Variants in MSRA observed in about 807,000 individuals in gnomAD.
MSRA encodes methionine sulfoxide reductase A, also known as mitochondrial peptide methionine sulfoxide reductase.
In MSRA, 54 loss-of-function variants were observed where a neutral mutation model predicts 31.3. That is an observed-to-expected ratio of 1.73 (90% CI 1.39 to 2.17). The LOEUF (loss-of-function observed/expected upper bound fraction) is 2.17, where lower values mean the gene tolerates loss of function less well. Among genes scored for constraint, MSRA ranks in the 30% most tolerant of loss-of-function variants. The pLI is 0.00. For missense variants in MSRA, 507 were observed against 300.9 expected (o/e 1.69, Z -5.07); for synonymous variants, 169 against 116.5 (o/e 1.45, Z -2.90).
chr8:10,065,591 AC>A (rs1281163483), intron 1 of MSRA, among the ~76,000 whole-genome samples: 1 of 152,206 alleles, frequency 6.6e-6, no homozygotes, highest in Non-Finnish European at 1.5e-5. Flanking sequence ...TAAGATATGA[AC>A]CAAAGGATTT....
chr8:10,273,366 A>T (rs925986526), intron 3 of MSRA, among the ~76,000 whole-genome samples: 1 of 152,202 alleles, frequency 6.6e-6, no homozygotes, highest in African/African-American at 2.4e-5. Context: ...ATTCACTTAG[A>T]CATTAGTTAC....
At chr8:10,088,619 C>G (rs769142489) in intron 1 of MSRA, among the ~76,000 whole-genome samples, 2 of 152,046 alleles carry the variant, frequency 1.3e-5, no homozygotes, top group Non-Finnish European at 2.9e-5. Context: ...GCTTGCAGTC[C>G]CAGCTACTCT....
At chr8:10,225,054 C>G (rs1810873730) in intron 2 of MSRA, among the ~76,000 whole-genome samples, 1 of 152,284 alleles carries the variant, frequency 6.6e-6, no homozygotes, top group Non-Finnish European at 1.5e-5. Context: ...AGTAGAATCG[C>G]TTGAACCCAG....
chr8:10,152,913 C>T (rs1332066530), intron 1 of MSRA, among the ~76,000 whole-genome samples: 2 of 152,178 alleles, frequency 1.3e-5, no homozygotes, highest in African/African-American at 4.8e-5. Flanking sequence ...CACAAACAGA[C>T]ACATACTATG....
At chr8:10,339,779 G>T (rs1803301194) in intron 5 of MSRA, among the ~76,000 whole-genome samples, 1 of 142,174 alleles carries the variant, frequency 7.0e-6, no homozygotes, top group Admixed American at 6.8e-5. Context: ...CTGACCTCGT[G>T]ATCCCCCCGC....
chr8:10,141,179 G>T (rs1423585731), intron 1 of MSRA, among the ~76,000 whole-genome samples: 1 of 152,208 alleles, frequency 6.6e-6, no homozygotes, highest in South Asian at 2.1e-4. Context: ...AACACCCACA[G>T]AAATGGGAGT....
chr8:10,090,368 A>G (rs1003264986), intron 1 of MSRA, among the ~76,000 whole-genome samples: 2 of 152,178 alleles, frequency 1.3e-5, no homozygotes, highest in South Asian at 4.1e-4. Context: ...ACAGTAAGGC[A>G]CTAGAATTAG....
At chr8:10,096,875 G>C (rs1025676811) in intron 1 of MSRA, among the ~76,000 whole-genome samples, 1 of 152,132 alleles carries the variant, frequency 6.6e-6, no homozygotes, top group Admixed American at 6.6e-5. Flanking sequence ...TGACTTGTAG[G>C]ATTAAGTTAT....
At chr8:10,328,675 C>T (rs1224214330) in intron 5 of MSRA, among the ~76,000 whole-genome samples, 1 of 152,158 alleles carries the variant, frequency 6.6e-6, no homozygotes, top group Non-Finnish European at 1.5e-5. Context: ...TCCCATGAGA[C>T]ATCTGTAACT....
chr8:10,218,541 AT>A lies in MSRA; in HGVS notation c.211+10646del, dbSNP rs550146553. 1.2e-3 allele frequency among the ~76,000 whole-genome samples: 187 copies of A among 152,316 alleles called. 5 individuals carry two copies. Among genetic ancestry groups the A allele is most frequent in the South Asian group, 6.2e-4 (3 of 4,830 alleles). ...AACTGCAAGATATTCTAATTCTAGCATTTTTTAAATTTGTGAGCTGAAATAT... is the reference window on the plus strand; with the variant it reads ...AACTGCAAGATATTCTAATTCTAGCATTTTTAAATTTGTGAGCTGAAATAT... On this transcript the variant is annotated intron_variant, in intron 2 of 5. Transcript: ENST00000317173.
At chr8:10,157,498 G>T (rs572871175) in intron 1 of MSRA, among the ~76,000 whole-genome samples, 6 of 152,130 alleles carry the variant, frequency 3.9e-5, no homozygotes, top group Non-Finnish European at 8.8e-5. Flanking sequence ...GGGGGTGGAG[G>T]TGCATGAGGA....
intron 3 of MSRA, among the ~76,000 whole-genome samples, chr8:10,293,633 A>T (rs1800369291): frequency 6.6e-6 from 1 of 152,174 alleles, no homozygotes; most frequent in South Asian, 2.1e-4. Flanking sequence ...GAAAGGTCCG[A>T]CGTGTCTCTG....
chr8:10,251,615 C>G (rs2952213), intron 3 of MSRA, among the ~76,000 whole-genome samples: 2 of 152,152 alleles, frequency 1.3e-5, no homozygotes, highest in Admixed American at 6.5e-5. Context: ...AGAAAGCAGG[C>G]TTCAAGAGCA....
chr8:10,239,160 T>C (rs1812195593), intron 2 of MSRA, among the ~76,000 whole-genome samples: 1 of 152,108 alleles, frequency 6.6e-6, no homozygotes, highest in South Asian at 2.1e-4. Context: ...GCTATGTATA[T>C]GACATAATTT....
At chr8:10,146,180 G>A (rs1563148681) in intron 1 of MSRA, among the ~76,000 whole-genome samples, 1 of 152,168 alleles carries the variant, frequency 6.6e-6, no homozygotes, top group Non-Finnish European at 1.5e-5. Context: ...AGAATGGTGC[G>A]ATCGTAAAGG....
intron 1 of MSRA, among the ~76,000 whole-genome samples, chr8:10,113,260 G>A (rs560487818): frequency 2.8e-5 from 4 of 141,148 alleles, no homozygotes; most frequent in African/African-American, 5.2e-5. Context: ...TACCTGGGCT[G>A]GGGAGGCATG....
intron 1 of MSRA, among the ~76,000 whole-genome samples, chr8:10,185,416 G>A (rs1277612358): frequency 6.6e-6 from 1 of 152,192 alleles, no homozygotes; most frequent in African/African-American, 2.4e-5. Context: ...ACGATCTGAT[G>A]ATGAGTGGGT....
intron 1 of MSRA, among the ~76,000 whole-genome samples, chr8:10,202,791 T>C (rs1808617500): frequency 6.6e-6 from 1 of 152,202 alleles, no homozygotes; most frequent in South Asian, 2.1e-4. Context: ...CTTTTTGTAT[T>C]TAATTCTCAA....
chr8:10,403,871 G>T lies in MSRA; in HGVS notation c.544-24277G>T, dbSNP rs1321971359. 2.6e-5 allele frequency among the ~76,000 whole-genome samples: 4 copies of T among 152,162 alleles called. 1 individual carries two copies. Among genetic ancestry groups the T allele is most frequent in the South Asian group, 4.1e-4 (2 of 4,830 alleles). On this transcript the variant is annotated intron_variant, in intron 5 of 5. Coordinates refer to ENST00000317173, the MANE Select transcript of MSRA (RefSeq NM_012331.5). ...CTTCAGGACCTAGGCTTCCCATCTG[G>T]TGCACAGGGATGAGACCGCACCACT...
Sources: allele counts gnomAD v4.1 joint callset (sites outside exome capture counted in the v4.1 genomes callset), GRCh38; gene constraint gnomAD v4.1.1; transcripts MANE v1.5; gene names NCBI Gene and HGNC (gene_info 2026-07-23, HGNC 2026-07-21).